GRM7: variants seen among roughly 807,000 people sequenced by gnomAD.
GRM7 encodes the protein metabotropic glutamate receptor 7.
GRM7 carries 35 observed loss-of-function variants against 84.5 expected under a neutral mutation model. The ratio of observed to expected loss-of-function variants is 0.41; its 90% CI spans 0.32 to 0.55. GRM7 has a LOEUF of 0.55. Among genes scored for constraint, GRM7 ranks in the 20% least tolerant of loss-of-function variants. The probability of loss-of-function intolerance (pLI) is 0.19; values close to 1 mark genes in which losing one functional copy is unlikely to be tolerated. For missense variants in GRM7, 1,003 were observed against 1,194.6 expected, an observed-to-expected ratio of 0.84 and a Z score of 2.36; for synonymous variants, 487 against 455.1, an observed-to-expected ratio of 1.07 and a Z score of -0.89.
At chr3:7,462,538 T>C (rs1198544384) in intron 7 of GRM7, among the ~76,000 whole-genome samples, 1 of 152,256 alleles carries the variant, frequency 6.6e-6, no homozygotes, top group Admixed American at 6.5e-5. Flanking sequence ...AGCAACAAAT[T>C]ATGCCATTAG....
At chr3:6,885,261 C>T (rs999749583) in intron 1 of GRM7, among the ~76,000 whole-genome samples, 2 of 152,208 alleles carry the variant, frequency 1.3e-5, no homozygotes, top group Admixed American at 1.3e-4. Flanking sequence ...TCTTGCAGAG[C>T]AGGGCTACCC....
chr3:6,964,145 A>T (rs1360511691), intron 1 of GRM7, among the ~76,000 whole-genome samples: 5 of 152,170 alleles, frequency 3.3e-5, no homozygotes, highest in Non-Finnish European at 7.3e-5. Flanking sequence ...ATAGCTTTTG[A>T]CGCTGTTAAA....
intron 2 of GRM7, among the ~76,000 whole-genome samples, chr3:7,271,562 T>TAAAA (rs71063298): frequency 6.7e-3 from 597 of 88,614 alleles, no homozygotes; most frequent in East Asian, 7.8e-3. Flanking sequence ...CCGCCTCAAA[T>TAAAA]AAAAAAAAAA....
chr3:7,397,414 G>A (rs1268026544), intron 4 of GRM7, among the ~76,000 whole-genome samples: 3 of 152,078 alleles, frequency 2.0e-5, no homozygotes, highest in African/African-American at 7.2e-5. Flanking sequence ...AAGGGTAGCG[G>A]GGAGGCAGAG....
At position 7,122,728 on chromosome 3, in the gene GRM7, A is replaced by G. The variant is rs180946285; in HGVS notation, c.520-23724A>G. ...TTTAAATTGTTGAAAATAGGAAAAG[A>G]ACATTTTCTGCATCTAGCACATATT... is the stretch of plus-strand genomic sequence containing the variant. On this transcript the variant is annotated intron_variant, in intron 1 of 9. Transcript: ENST00000357716. Among the ~76,000 whole-genome samples, 68 of 152,354 alleles carry G rather than the reference A, an allele frequency of 4.5e-4. 1 individual carries two copies. The highest frequency in any genetic ancestry group is 1.7e-3 in the Admixed American group (26 of 15,294).
chr3:7,064,829 C>T (rs1697591944), intron 1 of GRM7, among the ~76,000 whole-genome samples: 1 of 151,654 alleles, frequency 6.6e-6, no homozygotes, highest in African/African-American at 2.4e-5. Flanking sequence ...CAGAAGTGTT[C>T]TGTGTTCACT....
chr3:7,709,514 T>A (rs1388487725), intron 9 of GRM7, among the ~76,000 whole-genome samples: 2 of 152,206 alleles, frequency 1.3e-5, no homozygotes, highest in East Asian at 3.9e-4. Context: ...GGCTGTATTT[T>A]CAGAATACAG....
At chr3:7,048,539 T>C (rs1308107791) in intron 1 of GRM7, among the ~76,000 whole-genome samples, 1 of 151,844 alleles carries the variant, frequency 6.6e-6, no homozygotes, top group East Asian at 1.9e-4. Flanking sequence ...TAATTAGAAG[T>C]AACAGATTTA....
At chr3:7,358,049 T>C (rs1693487398) in intron 4 of GRM7, among the ~76,000 whole-genome samples, 1 of 152,090 alleles carries the variant, frequency 6.6e-6, no homozygotes, top group Admixed American at 6.6e-5. Context: ...ATCCCCTCTT[T>C]TCCTCCGTTG....
chr3:6,940,224 T>C (rs1304145466), intron 1 of GRM7, among the ~76,000 whole-genome samples: 1 of 152,100 alleles, frequency 6.6e-6, no homozygotes, highest in Admixed American at 6.5e-5. Flanking sequence ...CCCAAGTAGC[T>C]GGGACTACAG....
At chr3:6,885,599 G>A (rs1695662326) in intron 1 of GRM7, among the ~76,000 whole-genome samples, 1 of 152,140 alleles carries the variant, frequency 6.6e-6, no homozygotes, top group African/African-American at 2.4e-5. Flanking sequence ...CACACACCCA[G>A]AAATATGGAT....
At chr3:7,685,142 C>T (rs1036292912) in intron 9 of GRM7, among the ~76,000 whole-genome samples, 1 of 152,096 alleles carries the variant, frequency 6.6e-6, no homozygotes, top group Admixed American at 6.6e-5. Context: ...ATGGCCATGA[C>T]GATCCTTTTC....
chr3:7,256,432 C>T (rs1025127865), intron 2 of GRM7, among the ~76,000 whole-genome samples: 11 of 152,112 alleles, frequency 7.2e-5, no homozygotes, highest in African/African-American at 2.7e-4. Context: ...AGCAGCATAG[C>T]TTGGCAGCCC....
chr3:7,077,479 A>G (rs1698128950), intron 1 of GRM7, among the ~76,000 whole-genome samples: 1 of 148,862 alleles, frequency 6.7e-6, no homozygotes. Context: ...GGAACAGAAA[A>G]CCAAACCCCT....
chr3:7,599,986 G>C (rs1038513581), intron 8 of GRM7, among the ~76,000 whole-genome samples: 1 of 152,018 alleles, frequency 6.6e-6, no homozygotes, highest in African/African-American at 2.4e-5. Flanking sequence ...GAACCAAACA[G>C]GTCATTTAGC....
intron 4 of GRM7, among the ~76,000 whole-genome samples, chr3:7,387,900 A>G (rs1694846758): frequency 6.6e-6 from 1 of 152,166 alleles, no homozygotes; most frequent in Admixed American, 6.6e-5. Context: ...TTTTAACAAT[A>G]TTGATTCTTA....
chr3:6,947,855 G>A (rs1192083090), intron 1 of GRM7, among the ~76,000 whole-genome samples: 1 of 152,172 alleles, frequency 6.6e-6, no homozygotes, highest in Non-Finnish European at 1.5e-5. Context: ...GGTGTTTATA[G>A]TGTTCTCTGA....
At chr3:7,368,475 ATTTAC>A (rs1454263860) in intron 4 of GRM7, among the ~76,000 whole-genome samples, 2 of 152,072 alleles carry the variant, frequency 1.3e-5, no homozygotes, top group African/African-American at 4.8e-5. Context: ...GTAATGGATA[ATTTAC>A]TTTATATAAT....
In GRM7 at chr3:7,010,974, A is replaced by G. The variant is rs562134748; in HGVS notation, c.520-135478A>G. Among the ~76,000 whole-genome samples, 5 of 152,348 alleles carry G rather than the reference A, an allele frequency of 3.3e-5. No individual in the cohort carries two copies. In the East Asian group the frequency reaches 7.7e-4, roughly 24 times the overall value. On this transcript the variant is annotated intron_variant, in intron 1 of 9. Coordinates refer to ENST00000357716, the MANE Select transcript of GRM7 (RefSeq NM_000844.4). ...GGGACTTCCAGTTCTCTCAAAGTGC[A>G]TGAGTTGAGAACTAGCTTGAGAAAC...
Sources: gnomAD v4.1 joint callset for allele counts (sites outside exome capture counted in the v4.1 genomes callset) on GRCh38, gnomAD v4.1.1 for gene constraint, MANE v1.5 for transcripts, NCBI Gene and HGNC (gene_info 2026-07-23, HGNC 2026-07-21) for gene names.